TNFSF13B: variants seen among roughly 807,000 people sequenced by gnomAD.
TNFSF13B encodes tumor necrosis factor ligand superfamily member 13B.
A neutral mutation model predicts 29.1 loss-of-function variants in TNFSF13B; 8 were observed. The ratio of observed to expected loss-of-function variants is 0.27; its 90% CI spans 0.16 to 0.50. The LOEUF (loss-of-function observed/expected upper bound fraction) is 0.50. Among genes scored for constraint, TNFSF13B ranks in the 20% least tolerant of loss-of-function variants. The pLI, the probability that TNFSF13B is intolerant of heterozygous loss-of-function variation, is 0.98. For missense variants in TNFSF13B, 248 were observed against 334.9 expected (o/e 0.74, Z 2.03); for synonymous variants, 125 against 130.8 (o/e 0.96, Z 0.30).
chr13:108,275,920 T>C, intron 2 of TNFSF13B, among the ~76,000 whole-genome samples: 1 of 152,364 alleles, frequency 6.6e-6, no homozygotes. Context: ...AAATTTTGAA[T>C]GTAGCATATA....
chr13:108,278,768 A>G (rs1017417297), intron 2 of TNFSF13B, among the ~76,000 whole-genome samples: 1 of 100,762 alleles, frequency 9.9e-6, no homozygotes, highest in African/African-American at 3.5e-5. Flanking sequence ...AGGGTAAGAG[A>G]AAAGGGAATA....
intron 3 of TNFSF13B, among the ~76,000 whole-genome samples, chr13:108,296,182 A>G (rs1395259687): frequency 6.9e-6 from 1 of 145,674 alleles, no homozygotes; most frequent in African/African-American, 2.6e-5. Context: ...CTATTATTTC[A>G]GGTGAGATAC....
In TNFSF13B at chr13:108,269,868, C is replaced by T. The variant is rs780658075; in HGVS notation, c.-28C>T. On this transcript the variant is annotated 5_prime_UTR_variant, in exon 1 of 6. Transcript: ENST00000375887. ...TCCCTGTGGTCACTTATTCTAAAGG[C>T]CCCAACCTTCAAAGTTCAAGTAGTG... 1.9e-6 allele frequency: 3 copies of T among 1,561,712 alleles called. No homozygotes were observed. In the South Asian group the frequency reaches 3.6e-5, roughly 18 times the overall value.
chr13:108,303,221 T>A, intron 3 of TNFSF13B, 32 bp from the exon 4 acceptor site: 2 of 1,502,870 alleles, frequency 1.3e-6, no homozygotes, highest in Non-Finnish European at 1.8e-6. Flanking sequence ...TTTCTTGGTT[T>A]CTTTCCTTAT....
intron 3 of TNFSF13B, among the ~76,000 whole-genome samples, chr13:108,287,232 G>A (rs899996564): frequency 6.6e-6 from 1 of 151,982 alleles, no homozygotes; most frequent in African/African-American, 2.4e-5. Flanking sequence ...AAACTAACCT[G>A]CATGTTGTGC....
At chr13:108,291,838 T>C (rs1459080126) in intron 3 of TNFSF13B, among the ~76,000 whole-genome samples, 1 of 152,066 alleles carries the variant, frequency 6.6e-6, no homozygotes, top group Admixed American at 6.6e-5. Context: ...TGTATTGTTT[T>C]TCATGTTAAC....
At chr13:108,277,046 T>A (rs1880781802) in intron 2 of TNFSF13B, among the ~76,000 whole-genome samples, 1 of 152,148 alleles carries the variant, frequency 6.6e-6, no homozygotes, top group Admixed American at 6.6e-5. Flanking sequence ...TCTGCAAATA[T>A]CTGAGGTAGG....
intron 3 of TNFSF13B, among the ~76,000 whole-genome samples, chr13:108,289,838 A>G (rs1428846342): frequency 6.6e-6 from 1 of 151,962 alleles, no homozygotes; most frequent in African/African-American, 2.4e-5. Context: ...GGTAAACTTC[A>G]CAAAAGAGAA....
chr13:108,278,276 A>C (rs920084700), intron 2 of TNFSF13B, among the ~76,000 whole-genome samples: 1 of 152,112 alleles, frequency 6.6e-6, no homozygotes, highest in African/African-American at 2.4e-5. Flanking sequence ...GAATCAGAGA[A>C]TGTTGTTAGT....
intron 3 of TNFSF13B, chr13:108,302,991 G>T: frequency 2.0e-6 from 1 of 495,776 alleles, no homozygotes. Context: ...ACCAATAAAG[G>T]GAAAACCCAG....
chr13:108,280,286 T>C (rs999582980), intron 2 of TNFSF13B, among the ~76,000 whole-genome samples: 1 of 152,070 alleles, frequency 6.6e-6, no homozygotes, highest in Non-Finnish European at 1.5e-5. Flanking sequence ...ACTCAGAGGA[T>C]AGTTATATAT....
rs553491287 is a variant in TNFSF13B at position 108,295,119 on chromosome 13, A to G, written c.482-8134A>G. On this transcript the variant is annotated intron_variant, in intron 3 of 5. Transcript: ENST00000375887. ...CTCTTTTATTGGTCAATGTAGCTCA[A>G]TGATTGTCATTTTTGTTCATATTTT... is the stretch of plus-strand genomic sequence containing the variant. Among the ~76,000 whole-genome samples the G allele has an allele frequency of 4.8e-5, 7 of 145,182 alleles. 1 individual carries two copies. The highest frequency in any genetic ancestry group is 7.6e-5 in the Non-Finnish European group (5 of 65,458).
intron 3 of TNFSF13B, among the ~76,000 whole-genome samples, chr13:108,289,629 A>C (rs1169207472): frequency 2.0e-5 from 3 of 148,008 alleles, no homozygotes; most frequent in Non-Finnish European, 4.5e-5. Flanking sequence ...TTCTGGGGAA[A>C]GAATTTATAT....
Position 108,276,907 on chromosome 13 carries a change from A to G in TNFSF13B, c.424+6483A>G, listed in dbSNP as rs1212481571. Reference sequence around the variant, plus strand: ...TTATTCTTTTTATAGATCAACTCCTACTTAAAAGAACTGCATTGAGCAGCT... The same window carrying G: ...TTATTCTTTTTATAGATCAACTCCTGCTTAAAAGAACTGCATTGAGCAGCT... On this transcript the variant is annotated intron_variant, in intron 2 of 5. Transcript: ENST00000375887. 7.2e-5 allele frequency among the ~76,000 whole-genome samples: 11 copies of G among 152,282 alleles called. No individual in the cohort carries two copies. In the East Asian group the frequency reaches 2.1e-3, roughly 29 times the overall value.
rs1880936027 is a variant in TNFSF13B, at chr13:108,280,988, T to C, written c.425-5815T>C. ...GAGGTAATTAGAGGTAGCTCACACC[T>C]CTAATGCCAGCACTTCAGGAGGCTG... On this transcript the variant is annotated intron_variant, in intron 2 of 5. Transcript: ENST00000375887. Among the ~76,000 whole-genome samples the C allele has an allele frequency of 2.0e-5, 3 of 152,238 alleles. No individual in the cohort carries two copies. In the South Asian group the frequency reaches 6.2e-4, roughly 32 times the overall value.
intron 3 of TNFSF13B, among the ~76,000 whole-genome samples, chr13:108,294,291 C>T (rs969411521): frequency 9.9e-5 from 15 of 151,494 alleles, no homozygotes; most frequent in African/African-American, 3.4e-4. Context: ...GTGATTCTCG[C>T]ACCTCAGCCT....
At chr13:108,306,319 G>C (rs906069522) in intron 5 of TNFSF13B, among the ~76,000 whole-genome samples, 9 of 152,086 alleles carry the variant, frequency 5.9e-5, no homozygotes, top group Admixed American at 5.2e-4. Context: ...CTATATTAAT[G>C]AATGTGGTAT....
At chr13:108,274,221 G>T (rs896745365) in intron 2 of TNFSF13B, among the ~76,000 whole-genome samples, 3 of 151,986 alleles carry the variant, frequency 2.0e-5, no homozygotes, top group Admixed American at 1.3e-4. Context: ...AGTTTTGACT[G>T]CATGGGGTCA....
intron 2 of TNFSF13B, among the ~76,000 whole-genome samples, chr13:108,274,644 G>T (rs986053962): frequency 6.6e-6 from 1 of 152,122 alleles, no homozygotes; most frequent in Non-Finnish European, 1.5e-5. Context: ...AAAGTTGTCT[G>T]TAACACAAGG....
Sources: allele counts gnomAD v4.1 joint callset (sites outside exome capture counted in the v4.1 genomes callset), GRCh38; gene constraint gnomAD v4.1.1; transcripts MANE v1.5; gene names NCBI Gene and HGNC (gene_info 2026-07-23, HGNC 2026-07-21).